The following LRP1B variants were observed in gnomAD, a reference collection of about 807,000 sequenced individuals.
LRP1B encodes low-density lipoprotein receptor-related protein 1B.
Under a neutral mutation model 556.6 loss-of-function variants are expected in LRP1B, and 217 were observed. The ratio of observed to expected loss-of-function variants is 0.39; its 90% CI spans 0.35 to 0.44. LRP1B has a LOEUF of 0.44. LRP1B is among the 20% of genes least tolerant of loss of function. LRP1B has a pLI of 1.00. For missense variants in LRP1B, 5,053 were observed against 5,620.8 expected (o/e 0.90, Z 3.23); for synonymous variants, 2,047 against 1,865.8 (o/e 1.10, Z -2.50).
chr2:141,616,999 C>G (rs1486152351), intron 2 of LRP1B, among the ~76,000 whole-genome samples: 1 of 152,202 alleles, frequency 6.6e-6, no homozygotes, highest in African/African-American at 2.4e-5. Flanking sequence ...TCTTCAGGTT[C>G]TTGCATAAAC....
At chr2:140,461,845 A>T (rs1687334111) in intron 60 of LRP1B, among the ~76,000 whole-genome samples, 1 of 152,190 alleles carries the variant, frequency 6.6e-6, no homozygotes, top group Non-Finnish European at 1.5e-5. Context: ...AAAAATAAAA[A>T]AAAAATAAAA....
At chr2:141,413,534 T>G (rs1165745378) in intron 3 of LRP1B, among the ~76,000 whole-genome samples, 1 of 152,156 alleles carries the variant, frequency 6.6e-6, no homozygotes, top group Non-Finnish European at 1.5e-5. Flanking sequence ...TTTGTTTGAT[T>G]TGCGAATTAC....
chr2:141,295,780 CACACACACACAT>C (rs1389799374), intron 3 of LRP1B, among the ~76,000 whole-genome samples: 23 of 150,938 alleles, frequency 1.5e-4, no homozygotes, highest in Non-Finnish European at 3.1e-4. Flanking sequence ...CACACACACA[CACACACACACAT>C]AACAGTGGGG....
chr2:140,492,744 C>G lies in LRP1B; in HGVS notation c.9035-51G>C, dbSNP rs1416717809. 4.0e-6 allele frequency: 5 copies of G among 1,253,870 alleles called. No individual in the cohort carries two copies. The East Asian group carries it at 1.2e-4, about 29-fold the overall frequency. 77.7% of individuals were successfully genotyped at this position (1,253,870 alleles called of 1,614,324 possible). On this transcript the variant is annotated intron_variant, in intron 56 of 90. Transcript: ENST00000389484. ...TAGACTTTAAGTATGTATGCTTTTC[C>G]CCTTTGCATAATTTCAGTTTAGTTT...
chr2:140,692,996 G>T (rs910581395), intron 41 of LRP1B, among the ~76,000 whole-genome samples: 1 of 151,986 alleles, frequency 6.6e-6, no homozygotes, highest in Non-Finnish European at 1.5e-5. Context: ...CATATAAATT[G>T]TTCTAGTATA....
intron 60 of LRP1B, among the ~76,000 whole-genome samples, chr2:140,468,865 T>C (rs1687654174): frequency 6.6e-6 from 1 of 152,228 alleles, no homozygotes; most frequent in Non-Finnish European, 1.5e-5. Flanking sequence ...TTCTCCTTTT[T>C]GGAATGGAAA....
In LRP1B at chr2:140,915,653, AAAAT is replaced by A. The variant is rs70991117; in HGVS notation, c.3319+7308_3319+7311del. Among the ~76,000 whole-genome samples the A allele has an allele frequency of 5.5e-3, 794 of 145,088 alleles. 5 individuals are homozygous for A. The highest frequency in any genetic ancestry group is 9.3e-3 in the Admixed American group (135 of 14,442). On this transcript the variant is annotated intron_variant, in intron 21 of 90. Transcript: ENST00000389484. Reference sequence around the variant, plus strand: ...GGCAACAGAGCAAGACTTTGTCTCAAAAATAAATAAATAAATAAATAAATAAATA... The same window carrying A: ...GGCAACAGAGCAAGACTTTGTCTCAAAAATAAATAAATAAATAAATAAATA...
chr2:140,325,737 A>C, intron 80 of LRP1B, 25 bp downstream of exon 80: 1 of 1,458,846 alleles, frequency 6.9e-7, no homozygotes, highest in East Asian at 2.3e-5. Context: ...ACAATTAAAA[A>C]TGAAGACAAA....
chr2:140,946,507 A>G (rs1695551991), intron 20 of LRP1B, among the ~76,000 whole-genome samples: 1 of 152,016 alleles, frequency 6.6e-6, no homozygotes, highest in African/African-American at 2.4e-5. Flanking sequence ...AGGCTGAGGC[A>G]TGAGAGTTGC....
intron 4 of LRP1B, among the ~76,000 whole-genome samples, chr2:141,252,886 C>A (rs1684315274): frequency 6.6e-6 from 1 of 152,152 alleles, no homozygotes; most frequent in Admixed American, 6.6e-5. Flanking sequence ...GATCTCCTCT[C>A]CCACTGTGAC....
rs542570469 is a variant in LRP1B at position 140,835,601 on chromosome 2, G to A, written c.5209+4390C>T. Among the ~76,000 whole-genome samples the A allele has an allele frequency of 1.1e-4, 17 of 152,182 alleles. 1 individual carries two copies. Among genetic ancestry groups the A allele is most frequent in the Middle Eastern group, 3.4e-3 (1 of 292 alleles). On this transcript the variant is annotated intron_variant, in intron 31 of 90. Transcript: ENST00000389484. ...TGCACAGGCTGGAGTGCAATGGCAC[G>A]ACTTTGGCTTACTGCAACCTCCGCC...
chr2:141,118,353 TTA>T (rs1320745751), intron 7 of LRP1B, among the ~76,000 whole-genome samples: 1 of 151,928 alleles, frequency 6.6e-6, no homozygotes, highest in Non-Finnish European at 1.5e-5. Context: ...TCCAAAAAAA[TTA>T]TAGTTTATTT....
At chr2:141,002,048 G>A (rs1339826554) in intron 15 of LRP1B, among the ~76,000 whole-genome samples, 1 of 152,068 alleles carries the variant, frequency 6.6e-6, no homozygotes, top group African/African-American at 2.4e-5. Flanking sequence ...TTGGCAAACT[G>A]TGGATCTTGA....
chr2:141,302,487 A>G (rs1029213692), intron 3 of LRP1B, among the ~76,000 whole-genome samples: 12 of 152,154 alleles, frequency 7.9e-5, no homozygotes, highest in Admixed American at 1.3e-4. Context: ...TTGAAAATAT[A>G]GAACAGCCCT....
intron 2 of LRP1B, among the ~76,000 whole-genome samples, chr2:141,697,429 C>T (rs1011031515): frequency 1.3e-4 from 20 of 151,852 alleles, no homozygotes; most frequent in Non-Finnish European, 2.5e-4. Flanking sequence ...CTGAAAGAGG[C>T]AGTAAATATG....
At chr2:141,684,377 C>G (rs1177561577) in intron 2 of LRP1B, among the ~76,000 whole-genome samples, 1 of 152,096 alleles carries the variant, frequency 6.6e-6, no homozygotes, top group African/African-American at 2.4e-5. Context: ...ACTGCATGTT[C>G]TCTCTCATAA....
intron 3 of LRP1B, among the ~76,000 whole-genome samples, chr2:141,407,203 G>T (rs954098805): frequency 6.6e-6 from 1 of 152,072 alleles, no homozygotes; most frequent in Non-Finnish European, 1.5e-5. Flanking sequence ...AGATTGAAAT[G>T]CTCCCCATTA....
chr2:140,322,003 T>A lies in LRP1B; in HGVS notation c.12600A>T (p.Lys4200Asn), dbSNP rs1267647416. 3.1e-6 allele frequency: 5 copies of A among 1,612,986 alleles called. No individual in the cohort carries two copies. In the African/African-American group the frequency reaches 6.7e-5, roughly 22 times the overall value. ...SGATCVCPEG[K>N]YLINGTCNDD... is the part of the protein sequence containing the mutation. ...CATTGCAGGTGCCATTAATCAAATA[T>A]TTTCCTTCTGGACACACACAAGTGG... Residue 4200 changes from lysine to asparagine, a missense_variant, in exon 82 of 91, where the codon AAA becomes AAT. Physicochemically the swap from Lys to Asn is moderately conservative, Grantham distance 94 (BLOSUM62 0). Coordinates refer to ENST00000389484, the MANE Select transcript of LRP1B (RefSeq NM_018557.3).
chr2:141,553,438 G>A (rs1685827815), intron 2 of LRP1B, among the ~76,000 whole-genome samples: 1 of 151,192 alleles, frequency 6.6e-6, no homozygotes, highest in South Asian at 2.1e-4. Context: ...TAAATATACA[G>A]GAATAGTTAG....
Sources: gnomAD v4.1 joint callset for allele counts (sites outside exome capture counted in the v4.1 genomes callset) on GRCh38, gnomAD v4.1.1 for gene constraint, MANE v1.5 for transcripts, NCBI Gene and HGNC (gene_info 2026-07-23, HGNC 2026-07-21) for gene names.